ARF4: variants seen among roughly 807,000 people sequenced by gnomAD.
ARF4 encodes the protein ADP-ribosylation factor 4.
A neutral mutation model predicts 24.3 loss-of-function variants in ARF4; 5 were observed. That is an observed-to-expected ratio of 0.21 (90% CI 0.11 to 0.43). The LOEUF is 0.43. Ranked by LOEUF, ARF4 falls within the 20% of genes least tolerant of loss-of-function variation. ARF4 has a pLI of 1.00. For missense variants in ARF4, 107 were observed against 213.0 expected (o/e 0.50, Z 3.10); for synonymous variants, 62 against 73.5 (o/e 0.84, Z 0.80).
intron 5 of ARF4, 87 bp from the exon 6 acceptor site, chr3:57,572,385 CTT>C: frequency 1.0e-6 from 1 of 963,694 alleles, no homozygotes; most frequent in South Asian, 1.4e-5. Flanking sequence ...ACTTAAGAGT[CTT>C]TTCACACCTC....
At position 57,597,097 on chromosome 3, in the gene ARF4, T is replaced by C. The variant is rs2070198866; in HGVS notation, c.44A>G (p.Lys15Arg). 2 of 1,614,146 alleles carry C rather than the reference T, an allele frequency of 1.2e-6. No homozygotes were observed. Among genetic ancestry groups the C allele is most frequent in the African/African-American group, 1.3e-5 (1 of 75,044 alleles). ...ISSLFSRLFG[K>R]KQMRILMVGL... ...ACCCATCAAAATGCGCATCTGCTTC[T>C]TGCCAAATAGTCGGGAGAAGAGGGA... Residue 15 changes from lysine (K) to arginine (R), a missense_variant, in exon 1 of 6, where the codon AAG becomes AGG. Physicochemically the swap from Lys to Arg is conservative, Grantham distance 26 (BLOSUM62 2). Coordinates refer to ENST00000303436, the MANE Select transcript of ARF4 (RefSeq NM_001660.4).
At chr3:57,582,786 T>G (rs958027977) in intron 3 of ARF4, among the ~76,000 whole-genome samples, 1 of 152,054 alleles carries the variant, frequency 6.6e-6, no homozygotes, top group Non-Finnish European at 1.5e-5. Flanking sequence ...GACAAGAAAT[T>G]CCTTGGGTGG....
intron 1 of ARF4, among the ~76,000 whole-genome samples, chr3:57,584,956 C>T (rs759194315): frequency 2.6e-5 from 4 of 152,026 alleles, no homozygotes; most frequent in Admixed American, 1.3e-4. Flanking sequence ...CTCCACCTCC[C>T]GGGTTCGAGC....
At chr3:57,594,429 A>T (rs974593751) in intron 1 of ARF4, among the ~76,000 whole-genome samples, 1 of 152,194 alleles carries the variant, frequency 6.6e-6, no homozygotes, top group Non-Finnish European at 1.5e-5. Context: ...GGGCAATATC[A>T]TCACTTGCAT....
chr3:57,580,534 T>C (rs936148974), intron 3 of ARF4, among the ~76,000 whole-genome samples: 10 of 152,064 alleles, frequency 6.6e-5, no homozygotes, highest in African/African-American at 2.4e-4. Flanking sequence ...CTCAAGTAGC[T>C]GGGACTACAG....
At chr3:57,594,205 C>T (rs570417026) in intron 1 of ARF4, among the ~76,000 whole-genome samples, 3 of 152,216 alleles carry the variant, frequency 2.0e-5, no homozygotes, top group African/African-American at 7.2e-5. Flanking sequence ...GCCTGGGAGA[C>T]AAGAGTGAAA....
chr3:57,575,243 A>G (rs1374426743), intron 5 of ARF4, among the ~76,000 whole-genome samples: 1 of 152,044 alleles, frequency 6.6e-6, no homozygotes, highest in Non-Finnish European at 1.5e-5. Flanking sequence ...GTTACTTAAA[A>G]GATACAAAAT....
chr3:57,596,786 C>G, intron 1 of ARF4: 1 of 355,048 alleles, frequency 2.8e-6, no homozygotes, highest in Non-Finnish European at 5.3e-6. Flanking sequence ...TTCCCCACAT[C>G]TCTGCCCAAT....
In ARF4 at chr3:57,583,541, C is replaced by CT. The variant is rs1559784878; in HGVS notation, c.258+356dup. On this transcript the variant is annotated intron_variant, in intron 3 of 5. Coordinates refer to ENST00000303436, the MANE Select transcript of ARF4 (RefSeq NM_001660.4). ...ACAAGTAACTGGGCTAAACAAAGGACTATCAATTGTCTTACATTCATCAGA... is the reference window on the plus strand; with the variant it reads ...ACAAGTAACTGGGCTAAACAAAGGACTTATCAATTGTCTTACATTCATCAGA... Among the ~76,000 whole-genome samples the CT allele has an allele frequency of 2.0e-5, 3 of 152,162 alleles. No homozygotes were observed. In the South Asian group the frequency reaches 6.2e-4, roughly 31 times the overall value.
At chr3:57,586,259 A>G (rs1180702300) in intron 1 of ARF4, among the ~76,000 whole-genome samples, 1 of 151,732 alleles carries the variant, frequency 6.6e-6, no homozygotes, top group Non-Finnish European at 1.5e-5. Flanking sequence ...TATCGATTCA[A>G]TCAAGTATTG....
Position 57,575,686 on chromosome 3 carries a change from G to T in ARF4, c.331-13C>A. 6.2e-7 allele frequency: 1 copy of T among 1,601,492 alleles called. No homozygotes were observed. Among genetic ancestry groups the T allele is most frequent in the African/African-American group, 1.3e-5 (1 of 74,392 alleles). ...CATCTACCAGAAGCTGGAAATAAAA[G>T]GTAAGGCATTAACAACTACCAACCG... On this transcript the variant is annotated splice_polypyrimidine_tract_variant and intron_variant, in intron 4 of 5. Transcript: ENST00000303436.
At chr3:57,576,381 G>A (rs2069902664) in intron 4 of ARF4, among the ~76,000 whole-genome samples, 1 of 152,036 alleles carries the variant, frequency 6.6e-6, no homozygotes, top group African/African-American at 2.4e-5. Flanking sequence ...TTCTTTGAGG[G>A]TGATGAAAAT....
At chr3:57,595,790 T>G (rs897785395) in intron 1 of ARF4, among the ~76,000 whole-genome samples, 1 of 151,780 alleles carries the variant, frequency 6.6e-6, no homozygotes, top group African/African-American at 2.4e-5. Flanking sequence ...TCTCTACTAA[T>G]AATACAAAAA....
chr3:57,575,750 A>T, intron 4 of ARF4, 77 bp from the exon 5 acceptor site: 2 of 1,423,514 alleles, frequency 1.4e-6, no homozygotes, highest in Admixed American at 2.4e-5. Flanking sequence ...TATATACTTT[A>T]CTCAGCATTA....
intron 1 of ARF4, 118 bp downstream of exon 1, chr3:57,596,955 CG>C (rs1389578914): frequency 9.0e-7 from 1 of 1,115,950 alleles, no homozygotes; most frequent in Non-Finnish European, 1.3e-6. Context: ...TTCCGACCCC[CG>C]ACCCGGCGCC....
rs147013198 is a variant in ARF4, at chr3:57,581,819, G to A, written c.258+2079C>T. The stretch of plus-strand genomic sequence containing the variant: ...AAAAAAATAAACAAACTGTCTAGAG[G>A]GTAGAGCACATTAGAGATGAGTATG... On this transcript the variant is annotated intron_variant, in intron 3 of 5. Coordinates refer to ENST00000303436, the MANE Select transcript of ARF4 (RefSeq NM_001660.4). 3.3e-5 allele frequency among the ~76,000 whole-genome samples: 5 copies of A among 152,206 alleles called. No individual in the cohort carries two copies. The East Asian group carries it at 9.6e-4, about 29-fold the overall frequency.
chr3:57,572,302 T>C lies in ARF4; in HGVS notation c.457-4A>G. The C allele has an allele frequency of 1.2e-6, 2 of 1,606,682 alleles. No homozygotes were observed. Among genetic ancestry groups the C allele is most frequent in the South Asian group, 2.2e-5 (2 of 90,634 alleles). On this transcript the variant is annotated splice_polypyrimidine_tract_variant and splice_region_variant and intron_variant, in intron 5 of 5. Transcript: ENST00000303436. ...CACAAGTGGCTTGAACATACCACTG[T>C]AAAGAGAAGACAAGAAAATACTTGA...
intron 3 of ARF4, among the ~76,000 whole-genome samples, chr3:57,578,956 A>G (rs2069938769): frequency 6.6e-6 from 1 of 152,162 alleles, no homozygotes; most frequent in Admixed American, 6.6e-5. Flanking sequence ...TAAAGTATCA[A>G]TTTTGATCAT....
At chr3:57,574,639 T>A (rs978329930) in intron 5 of ARF4, among the ~76,000 whole-genome samples, 1 of 152,094 alleles carries the variant, frequency 6.6e-6, no homozygotes, top group Admixed American at 6.5e-5. Flanking sequence ...ACTCCTGGCC[T>A]CAAGCAATCC....
Sources: allele counts gnomAD v4.1 joint callset (sites outside exome capture counted in the v4.1 genomes callset), GRCh38; gene constraint gnomAD v4.1.1; transcripts MANE v1.5; gene names NCBI Gene and HGNC (gene_info 2026-07-23, HGNC 2026-07-21).